Variants in NLRP7 observed in about 807,000 individuals in gnomAD.
NLRP7 encodes NACHT, LRR and PYD domains-containing protein 7.
NLRP7 carries 72 observed loss-of-function variants against 85.5 expected under a neutral mutation model. That is an observed-to-expected ratio of 0.84 (90% CI 0.70 to 1.02). NLRP7 has a LOEUF of 1.02. NLRP7 is among the 50% of genes least tolerant of loss of function. NLRP7 has a pLI of 0.00. For synonymous variants in NLRP7, 550 were observed against 505.2 expected (o/e 1.09, Z -1.19); for missense variants, 1,243 against 1,219.5 (o/e 1.02, Z -0.29).
rs771101644 is a variant in NLRP7, at chr19:54,939,561, C to T, written c.1258G>A (p.Ala420Thr). Residue 420 changes from alanine (A) to threonine (T), a missense_variant, in exon 4 of 10, where the codon GCG (alanine) becomes ACG (threonine). Physicochemically the swap from Ala to Thr is moderately conservative, Grantham distance 58 (BLOSUM62 0). Transcript: ENST00000340844. ...GACATCTGCGCCCACAGGCCCTGCG[C>T]GGCCAGGAGGCTCAGCGTCCGCAGC... 17 of 1,612,552 alleles carry T rather than the reference C, an allele frequency of 1.1e-5. No homozygotes were observed. In the East Asian group the frequency reaches 2.9e-4, roughly 28 times the overall value.
intron 1 of NLRP7, among the ~76,000 whole-genome samples, chr19:54,962,695 G>C (rs2070092654): frequency 6.6e-6 from 1 of 151,186 alleles, no homozygotes; most frequent in Non-Finnish European, 1.5e-5. Flanking sequence ...CGCCTCCCGG[G>C]TTCACGCCAT....
intron 1 of NLRP7, chr19:54,953,465 T>C (rs1158380683): frequency 1.3e-5 from 2 of 152,118 alleles, no homozygotes; most frequent in African/African-American, 2.4e-5. Context: ...CTGTAATCTA[T>C]AGATAACCGA....
chr19:54,932,907 A>G (rs2068737772), intron 8 of NLRP7, among the ~76,000 whole-genome samples: 1 of 151,928 alleles, frequency 6.6e-6, no homozygotes. Flanking sequence ...ACCATTCACC[A>G]CCTGTTCCCC....
chr19:54,937,201 T>G lies in NLRP7; in HGVS notation c.2130-770A>C, dbSNP rs546871202. On this transcript the variant is annotated intron_variant, in intron 5 of 9. Transcript: ENST00000340844. ...GCACTGCACTCCAGCCTGGGGAACA[T>G]AGCGAGACTGTCTCAAAAAAAAAAA... Among the ~76,000 whole-genome samples, 39 of 138,752 alleles carry G rather than the reference T, an allele frequency of 2.8e-4. No homozygotes were observed. The South Asian group carries it at 8.5e-3, about 30-fold the overall frequency. The allele number at this position is 138,752 out of a possible 152,430, so 91.0% of individuals were successfully genotyped here. A position where few individuals can be genotyped will look rare whatever the true frequency, so the allele number is the denominator to read the frequency against.
chr19:54,935,619 G>C (rs1488069489), intron 6 of NLRP7, among the ~76,000 whole-genome samples: 1 of 151,570 alleles, frequency 6.6e-6, no homozygotes, highest in African/African-American at 2.4e-5. Flanking sequence ...CTTGAACCCA[G>C]GAGGCGGAGG....
chr19:54,931,815 A>G (rs1050362674), intron 8 of NLRP7, among the ~76,000 whole-genome samples: 4 of 150,730 alleles, frequency 2.7e-5, no homozygotes, highest in Admixed American at 6.7e-5. Context: ...GCACCACTGC[A>G]CTCCAGCCTG....
In NLRP7 at chr19:54,926,916, TAA is replaced by T. The variant is rs74177884; in HGVS notation, c.2811-3046_2811-3045del. Among the ~76,000 whole-genome samples the T allele has an allele frequency of 6.5e-3, 172 of 26,622 alleles. 3 individuals are homozygous for T. The highest frequency in any genetic ancestry group is 0.021 in the Middle Eastern group (1 of 48). The allele number at this position is 26,622 out of a possible 152,430, so 17.5% of individuals were successfully genotyped here. A position where few individuals can be genotyped will look rare whatever the true frequency, so the allele number is the denominator to read the frequency against. ...GGGGGACAGAGAGAGACTCTGTCTT[TAA>T]AAAAAAAAAAAAAAAAAAAAAATTA... On this transcript the variant is annotated intron_variant, in intron 9 of 9. Transcript: ENST00000340844.
intron 9 of NLRP7, among the ~76,000 whole-genome samples, chr19:54,927,335 C>T (rs2068486195): frequency 1.3e-5 from 2 of 149,608 alleles, no homozygotes; most frequent in Non-Finnish European, 3.0e-5. Context: ...GAGCCAAGAT[C>T]GCACCACTGC....
intron 9 of NLRP7, among the ~76,000 whole-genome samples, chr19:54,926,947 AG>A (rs1211571747): frequency 2.1e-5 from 3 of 143,584 alleles, no homozygotes; most frequent in Non-Finnish European, 4.5e-5. Context: ...AAAATTAGCC[AG>A]CTGTGGTGGT....
chr19:54,934,379 T>C lies in NLRP7; in HGVS notation c.2471+110A>G. 9.2e-7 allele frequency: 1 copy of C among 1,091,232 alleles called. No homozygotes were observed. 67.6% of individuals were successfully genotyped at this position (1,091,232 alleles called of 1,614,324 possible). A position where few individuals can be genotyped will look rare whatever the true frequency, so the allele number is the denominator to read the frequency against. ...ACCGTGCCGGGCCTGAAGCAGGTGT[T>C]TATTTCAGCAAGAGGCGCCACGTGG... On this transcript the variant is annotated intron_variant, in intron 7 of 9. Transcript: ENST00000340844. The surrounding 1 kb of genome is among the most constrained non-coding windows in gnomAD (Gnocchi z 6.7).
At position 54,930,437 on chromosome 19, in the gene NLRP7, G is replaced by T. The variant is rs1014941657; in HGVS notation, c.2810+62C>A. 5.0e-6 allele frequency: 6 copies of T among 1,196,966 alleles called. No individual in the cohort carries two copies. The African/African-American group carries it at 7.4e-5, about 15-fold the overall frequency. 74.1% of individuals were successfully genotyped at this position (1,196,966 alleles called of 1,614,324 possible). ...TAATCACCCCACTGCACTCCAGGCT[G>T]GGGGACAGAGCAAGACCCTGTCTCA... On this transcript the variant is annotated intron_variant, in intron 9 of 9. Transcript: ENST00000340844.
upstream of NLRP7, among the ~76,000 whole-genome samples, chr19:54,950,747 C>T (rs1462467395): frequency 6.6e-6 from 1 of 151,800 alleles, no homozygotes; most frequent in African/African-American, 2.4e-5. Flanking sequence ...CAGGGACGAG[C>T]AGGAGACAGA....
At chr19:54,962,794 T>C (rs1021576564) in intron 1 of NLRP7, among the ~76,000 whole-genome samples, 4 of 149,998 alleles carry the variant, frequency 2.7e-5, no homozygotes, top group Admixed American at 6.7e-5. Flanking sequence ...AGAGACGGGG[T>C]TTCACCGTGT....
chr19:54,944,732 A>C (rs2069390347), intron 1 of NLRP7, among the ~76,000 whole-genome samples: 1 of 152,128 alleles, frequency 6.6e-6, no homozygotes. Flanking sequence ...CAGGAGTTCC[A>C]GACCAGCCTG....
intron 1 of NLRP7, among the ~76,000 whole-genome samples, chr19:54,957,965 C>T (rs1334759399): frequency 6.6e-6 from 1 of 152,016 alleles, no homozygotes; most frequent in African/African-American, 2.4e-5. Flanking sequence ...CCTGTAATTC[C>T]AGCACTTTGG....
chr19:54,929,423 C>G (rs1602119155), intron 9 of NLRP7, among the ~76,000 whole-genome samples: 1 of 152,040 alleles, frequency 6.6e-6, no homozygotes, highest in East Asian at 1.9e-4. Flanking sequence ...TACAGCAAAG[C>G]TAAGTAGTAA....
intron 5 of NLRP7, among the ~76,000 whole-genome samples, chr19:54,937,210 T>G (rs1159338821): frequency 6.8e-6 from 1 of 146,026 alleles, no homozygotes; most frequent in Non-Finnish European, 1.5e-5. Context: ...ATAGCGAGAC[T>G]GTCTCAAAAA....
intron 5 of NLRP7, among the ~76,000 whole-genome samples, chr19:54,936,845 G>A (rs2068949923): frequency 1.3e-5 from 2 of 152,134 alleles, no homozygotes; most frequent in South Asian, 2.1e-4. Flanking sequence ...AATCCAGGAG[G>A]CAGAGGTTGC....
At chr19:54,962,316 G>A (rs1317564614) in intron 1 of NLRP7, among the ~76,000 whole-genome samples, 1 of 141,038 alleles carries the variant, frequency 7.1e-6, no homozygotes, top group Non-Finnish European at 1.5e-5. Context: ...TGCCCAGGCT[G>A]GAGTGCAATG....
Sources: allele counts gnomAD v4.1 joint callset (sites outside exome capture counted in the v4.1 genomes callset), GRCh38; gene constraint gnomAD v4.1.1; non-coding constraint Gnocchi (gnomAD v3.1); transcripts MANE v1.5; gene names NCBI Gene and HGNC (gene_info 2026-07-23, HGNC 2026-07-21).